Variants in GRM5 observed in about 807,000 individuals in gnomAD.
GRM5 encodes the protein metabotropic glutamate receptor 5.
A neutral mutation model predicts 83.1 loss-of-function variants in GRM5; 19 were observed. The observed-to-expected ratio is 0.23, with a 90% CI of 0.16 to 0.34. GRM5 has a LOEUF of 0.34. Among genes scored for constraint, GRM5 ranks in the 10% least tolerant of loss-of-function variants. GRM5 has a pLI of 1.00. For synonymous variants in GRM5, 675 were observed against 633.6 expected, an observed-to-expected ratio of 1.07 and a Z score of -0.98; for missense variants, 1,160 against 1,588.3, an observed-to-expected ratio of 0.73 and a Z score of 4.58.
intron 3 of GRM5, among the ~76,000 whole-genome samples, chr11:88,720,796 CT>C (rs1480987137): frequency 2.8e-5 from 4 of 141,676 alleles, no homozygotes; most frequent in Non-Finnish European, 6.2e-5. Flanking sequence ...AATCATTACT[CT>C]GTGTGTGTGT....
At chr11:88,839,234 A>G (rs1387211066) in intron 3 of GRM5, among the ~76,000 whole-genome samples, 1 of 152,238 alleles carries the variant, frequency 6.6e-6, no homozygotes, top group Non-Finnish European at 1.5e-5. Flanking sequence ...TAAAATTTTA[A>G]AAATCTAAAA....
At chr11:88,813,743 T>A (rs921433043) in intron 3 of GRM5, among the ~76,000 whole-genome samples, 2 of 152,210 alleles carry the variant, frequency 1.3e-5, no homozygotes, top group East Asian at 3.8e-4. Flanking sequence ...AGTATGCATA[T>A]ATTTTTACAT....
chr11:88,992,154 TCAAA>T lies in GRM5; in HGVS notation c.661+55054_661+55057del, dbSNP rs879342841. 9.1e-4 allele frequency among the ~76,000 whole-genome samples: 138 copies of T among 151,670 alleles called. 1 individual carries two copies. The highest frequency in any genetic ancestry group is 1.9e-3 in the South Asian group (9 of 4,680). On this transcript the variant is annotated intron_variant, in intron 2 of 9. Transcript: ENST00000305447. ...ATAATATCCAGAACCTACAATGAAC[TCAAA>T]CAAATTTACAAGAAAGAAACAAACA... is the stretch of plus-strand genomic sequence containing the variant.
chr11:88,988,772 T>C (rs1394627551), intron 2 of GRM5, among the ~76,000 whole-genome samples: 7 of 147,468 alleles, frequency 4.7e-5, no homozygotes, highest in South Asian at 2.3e-4. Flanking sequence ...GCTTCATAAG[T>C]GAAGGAGAAA....
intron 3 of GRM5, among the ~76,000 whole-genome samples, chr11:88,838,674 C>A (rs1944137677): frequency 6.6e-6 from 1 of 152,136 alleles, no homozygotes; most frequent in Admixed American, 6.5e-5. Context: ...TCTACAGTTA[C>A]AAATGTTAAA....
intron 1 of GRM5, among the ~76,000 whole-genome samples, chr11:89,055,299 T>C (rs1417613579): frequency 1.3e-5 from 2 of 152,168 alleles, no homozygotes; most frequent in South Asian, 4.1e-4. Flanking sequence ...GCAATTGGAG[T>C]GACAGCAGTA....
intron 2 of GRM5, among the ~76,000 whole-genome samples, chr11:88,931,046 T>A (rs1937686616): frequency 7.0e-6 from 1 of 142,378 alleles, no homozygotes; most frequent in Non-Finnish European, 1.5e-5. Flanking sequence ...TATACAGGTA[T>A]ATAAAAATGG....
At chr11:88,743,521 G>A (rs1565210425) in intron 3 of GRM5, among the ~76,000 whole-genome samples, 1 of 152,094 alleles carries the variant, frequency 6.6e-6, no homozygotes. Context: ...ACAGAGCCAG[G>A]CCTTTCTCAT....
intron 3 of GRM5, among the ~76,000 whole-genome samples, chr11:88,721,786 G>T (rs1941546047): frequency 6.6e-6 from 1 of 152,082 alleles, no homozygotes; most frequent in South Asian, 2.1e-4. Flanking sequence ...GGTGAATATA[G>T]ATAAGAACAT....
intron 3 of GRM5, among the ~76,000 whole-genome samples, chr11:88,799,995 A>C (rs145900399): frequency 6.6e-6 from 1 of 152,148 alleles, no homozygotes; most frequent in Admixed American, 6.6e-5. Context: ...AGAGAAACCA[A>C]CATCATGAAT....
intron 9 of GRM5, chr11:88,511,876 A>C (rs1484988956): frequency 1.3e-5 from 2 of 152,210 alleles, no homozygotes; most frequent in Non-Finnish European, 2.9e-5. Flanking sequence ...AGGTGTTTCG[A>C]AAGGTACAAG....
intron 2 of GRM5, among the ~76,000 whole-genome samples, chr11:88,930,615 G>A (rs1937672740): frequency 6.6e-6 from 1 of 151,306 alleles, no homozygotes; most frequent in Non-Finnish European, 1.5e-5. Context: ...GCAACCTCTG[G>A]TTGCTCACTG....
At chr11:88,999,851 A>G (rs528291314) in intron 2 of GRM5, among the ~76,000 whole-genome samples, 11 of 152,366 alleles carry the variant, frequency 7.2e-5, no homozygotes, top group South Asian at 4.1e-4. Context: ...ATGTCCAACA[A>G]TGATAGACTA....
intron 3 of GRM5, among the ~76,000 whole-genome samples, chr11:88,781,107 T>C (rs1341442658): frequency 9.0e-6 from 1 of 110,832 alleles, no homozygotes; most frequent in Non-Finnish European, 1.8e-5. Flanking sequence ...AAGCTGTGTT[T>C]TATATATATA....
chr11:88,572,305 A>G (rs539734946), intron 7 of GRM5, among the ~76,000 whole-genome samples: 1 of 152,344 alleles, frequency 6.6e-6, no homozygotes, highest in Admixed American at 6.5e-5. Context: ...ATACTAATGA[A>G]TGAGAGAGGG....
At chr11:88,661,882 A>G (rs1184887355) in intron 3 of GRM5, among the ~76,000 whole-genome samples, 1 of 152,160 alleles carries the variant, frequency 6.6e-6, no homozygotes, top group East Asian at 1.9e-4. Flanking sequence ...TACCCCAGCC[A>G]ACACTAATGA....
At chr11:88,793,037 C>T (rs1591519864) in intron 3 of GRM5, among the ~76,000 whole-genome samples, 1 of 152,068 alleles carries the variant, frequency 6.6e-6, no homozygotes, top group East Asian at 1.9e-4. Flanking sequence ...TAGAGTATAG[C>T]ACTAGCCTTA....
chr11:88,623,564 C>T (rs558450889), intron 4 of GRM5, among the ~76,000 whole-genome samples: 1 of 152,286 alleles, frequency 6.6e-6, no homozygotes, highest in Non-Finnish European at 1.5e-5. Context: ...AACTATTATT[C>T]TTTCATTTGG....
intron 2 of GRM5, among the ~76,000 whole-genome samples, chr11:88,916,859 A>G (rs1945603267): frequency 6.6e-6 from 1 of 152,164 alleles, no homozygotes; most frequent in Admixed American, 6.6e-5. Flanking sequence ...CCCCAATACT[A>G]GGACATAGCT....
Sources: allele counts gnomAD v4.1 joint callset (sites outside exome capture counted in the v4.1 genomes callset), GRCh38; gene constraint gnomAD v4.1.1; transcripts MANE v1.5; gene names NCBI Gene and HGNC (gene_info 2026-07-23, HGNC 2026-07-21).